The following ADGRL3 variants were observed in gnomAD, a reference collection of about 807,000 sequenced individuals.
ADGRL3 encodes the protein calcium-independent alpha-latrotoxin receptor 3.
ADGRL3 carries 62 observed loss-of-function variants against 153.5 expected under a neutral mutation model. The ratio of observed to expected loss-of-function variants is 0.40; its 90% CI spans 0.33 to 0.50. ADGRL3 has a LOEUF of 0.50. Among genes scored for constraint, ADGRL3 ranks in the 20% least tolerant of loss-of-function variants. The probability of loss-of-function intolerance (pLI) is 0.47; values close to 1 mark genes in which losing one functional copy is unlikely to be tolerated. For synonymous variants in ADGRL3, 710 were observed against 672.5 expected, an observed-to-expected ratio of 1.06 and a Z score of -0.86; for missense variants, 1,641 against 1,859.4, an observed-to-expected ratio of 0.88 and a Z score of 2.16.
chr4:62,073,833 A>G lies in ADGRL3; in HGVS notation c.*2925A>G, dbSNP rs756042924. 6 of 152,062 alleles carry G rather than the reference A, an allele frequency of 3.9e-5. No individual in the cohort carries two copies. Among genetic ancestry groups the G allele is most frequent in the Non-Finnish European group, 7.4e-5 (5 of 67,974 alleles). The allele number at this position is 152,062 out of a possible 1,614,324, so 9.4% of individuals were successfully genotyped here. On this transcript the variant is annotated 3_prime_UTR_variant, in exon 27 of 27. Transcript: ENST00000683033. Reference sequence around the variant, plus strand: ...GATTTTTGAACTCTATACATCATAAATGGCATGCTTTCAGAGAGACTTAAG... The same window carrying G: ...GATTTTTGAACTCTATACATCATAAGTGGCATGCTTTCAGAGAGACTTAAG...
At chr4:61,896,065 A>G (rs2098629628) in intron 11 of ADGRL3, among the ~76,000 whole-genome samples, 1 of 152,120 alleles carries the variant, frequency 6.6e-6, no homozygotes, top group Non-Finnish European at 1.5e-5. Flanking sequence ...TTATTAATAA[A>G]ATTTCTCTGG....
intron 6 of ADGRL3, among the ~76,000 whole-genome samples, chr4:61,698,845 T>C (rs1481944515): frequency 6.6e-6 from 1 of 152,222 alleles, no homozygotes; most frequent in Non-Finnish European, 1.5e-5. Flanking sequence ...AAGACTATTC[T>C]TAACGCTATG....
At chr4:61,792,355 A>T (rs1156978001) in intron 8 of ADGRL3, among the ~76,000 whole-genome samples, 6 of 152,118 alleles carry the variant, frequency 3.9e-5, no homozygotes, top group Admixed American at 3.9e-4. Flanking sequence ...AATTCCCAAC[A>T]AGTTCTTCAT....
At chr4:61,374,437 G>A (rs1225098310) in intron 1 of ADGRL3, among the ~76,000 whole-genome samples, 6 of 151,944 alleles carry the variant, frequency 3.9e-5, no homozygotes, top group African/African-American at 1.4e-4. Flanking sequence ...TCACAAACAT[G>A]TTTTCTGATT....
At chr4:62,000,672 A>G (rs1416146711) in intron 21 of ADGRL3, among the ~76,000 whole-genome samples, 1 of 152,168 alleles carries the variant, frequency 6.6e-6, no homozygotes, top group African/African-American at 2.4e-5. Context: ...GGGCAGAAGA[A>G]CATAAACCTT....
chr4:62,051,701 G>A (rs142881063), intron 25 of ADGRL3, among the ~76,000 whole-genome samples: 100 of 151,626 alleles, frequency 6.6e-4, no homozygotes, highest in African/African-American at 2.3e-3. Context: ...TTTAAAAATT[G>A]TATTTAATTT....
chr4:61,306,386 C>A (rs1238664951), intron 1 of ADGRL3, among the ~76,000 whole-genome samples: 1 of 152,112 alleles, frequency 6.6e-6, no homozygotes, highest in African/African-American at 2.4e-5. Context: ...GCGTGAGTCA[C>A]CCCACACCGC....
intron 9 of ADGRL3, among the ~76,000 whole-genome samples, chr4:61,817,814 A>G (rs1226209587): frequency 6.6e-6 from 1 of 152,166 alleles, no homozygotes; most frequent in East Asian, 1.9e-4. Flanking sequence ...CTCCTTATAA[A>G]ATCATCAGAT....
intron 1 of ADGRL3, among the ~76,000 whole-genome samples, chr4:61,342,949 T>C (rs1019128589): frequency 3.3e-5 from 5 of 152,076 alleles, no homozygotes; most frequent in African/African-American, 1.2e-4. Context: ...CTCACAATCA[T>C]GGTGGAAGAC....
At chr4:61,584,488 A>G (rs2098938514) in intron 4 of ADGRL3, among the ~76,000 whole-genome samples, 1 of 152,050 alleles carries the variant, frequency 6.6e-6, no homozygotes, top group Non-Finnish European at 1.5e-5. Flanking sequence ...ATGTATTGAC[A>G]AAATTGACCC....
intron 2 of ADGRL3, among the ~76,000 whole-genome samples, chr4:61,430,282 C>A (rs2097339964): frequency 6.6e-6 from 1 of 152,104 alleles, no homozygotes; most frequent in Admixed American, 6.6e-5. Flanking sequence ...GTGCAATAGT[C>A]TAGCTGATGA....
intron 8 of ADGRL3, among the ~76,000 whole-genome samples, chr4:61,755,031 T>TG (rs2096806030): frequency 6.6e-6 from 1 of 152,174 alleles, no homozygotes; most frequent in South Asian, 2.1e-4. Flanking sequence ...GTTGGACATT[T>TG]GGTTGGTTCC....
intron 4 of ADGRL3, among the ~76,000 whole-genome samples, chr4:61,568,261 CCAAA>C (rs1426838676): frequency 7.9e-5 from 12 of 152,042 alleles, no homozygotes; most frequent in Middle Eastern, 3.4e-3. Context: ...CAAGACATGC[CCAAA>C]CAAACAAAAT....
At chr4:61,409,421 T>TA (rs1560587727) in intron 2 of ADGRL3, among the ~76,000 whole-genome samples, 8 of 109,858 alleles carry the variant, frequency 7.3e-5, no homozygotes, top group African/African-American at 8.7e-5. Flanking sequence ...ATATATATAT[T>TA]ATATATATGT....
chr4:61,903,523 T>G (rs1464791899), intron 11 of ADGRL3, among the ~76,000 whole-genome samples: 9 of 151,896 alleles, frequency 5.9e-5, no homozygotes, highest in Admixed American at 5.9e-4. Flanking sequence ...TTTATTCACT[T>G]TAAGATAAAG....
chr4:61,367,724 A>G (rs1456119219), intron 1 of ADGRL3, among the ~76,000 whole-genome samples: 1 of 139,690 alleles, frequency 7.2e-6, no homozygotes, highest in African/African-American at 2.7e-5. Context: ...TTATAGCAGC[A>G]TGATTTATAG....
At chr4:61,551,982 G>A (rs1017112499) in intron 4 of ADGRL3, among the ~76,000 whole-genome samples, 2 of 152,222 alleles carry the variant, frequency 1.3e-5, no homozygotes, top group Middle Eastern at 3.4e-3. Flanking sequence ...AAATGTAGAG[G>A]TTATCACTCC....
chr4:61,750,458 C>G, intron 8 of ADGRL3, among the ~76,000 whole-genome samples: 1 of 152,124 alleles, frequency 6.6e-6, no homozygotes, highest in East Asian at 1.9e-4. Flanking sequence ...GGTGCCACAA[C>G]TGAAAAACAA....
intron 1 of ADGRL3, among the ~76,000 whole-genome samples, chr4:61,295,241 T>C (rs955748679): frequency 3.3e-5 from 5 of 152,138 alleles, no homozygotes; most frequent in Non-Finnish European, 7.4e-5. Flanking sequence ...GAACCCTTAT[T>C]TGACTTAATA....
Sources: allele counts gnomAD v4.1 joint callset (sites outside exome capture counted in the v4.1 genomes callset), GRCh38; gene constraint gnomAD v4.1.1; transcripts MANE v1.5; gene names NCBI Gene and HGNC (gene_info 2026-07-23, HGNC 2026-07-21).